The following SCAPER variants were observed in gnomAD, a reference collection of about 807,000 sequenced individuals.
The protein encoded by SCAPER is S-phase cyclin A associated protein in the ER, also known as S phase cyclin A-associated protein in the endoplasmic reticulum.
SCAPER carries 98 observed loss-of-function variants against 182.2 expected under a neutral mutation model. The observed-to-expected ratio is 0.54, with a 90% CI of 0.46 to 0.64. SCAPER has a LOEUF of 0.64. Among genes scored for constraint, SCAPER ranks in the 30% least tolerant of loss-of-function variants. SCAPER has a pLI of 0.00. For missense variants in SCAPER, 1,432 were observed against 1,690.0 expected (o/e 0.85, Z 2.68); for synonymous variants, 605 against 564.6 (o/e 1.07, Z -1.01).
At chr15:76,879,364 C>T (rs924883878) in intron 2 of SCAPER, among the ~76,000 whole-genome samples, 1 of 152,176 alleles carries the variant, frequency 6.6e-6, no homozygotes, top group Non-Finnish European at 1.5e-5. Flanking sequence ...GGGTGCAGCA[C>T]ATGACCTTGC....
At chr15:76,708,232 C>T (rs2059367639) in intron 17 of SCAPER, among the ~76,000 whole-genome samples, 1 of 152,052 alleles carries the variant, frequency 6.6e-6, no homozygotes, top group Non-Finnish European at 1.5e-5. Context: ...TTATACTGTA[C>T]TTTTGGTATT....
intron 26 of SCAPER, among the ~76,000 whole-genome samples, chr15:76,420,828 T>C (rs2045982206): frequency 6.6e-6 from 1 of 152,152 alleles, no homozygotes; most frequent in African/African-American, 2.4e-5. Context: ...TGTCCAAGTG[T>C]TCTCATTGTT....
intron 8 of SCAPER, among the ~76,000 whole-genome samples, chr15:76,790,246 T>G (rs929154672): frequency 1.4e-5 from 2 of 141,106 alleles, no homozygotes; most frequent in Non-Finnish European, 3.1e-5. Flanking sequence ...AAAAAAAAAA[T>G]GTACATCAAT....
At chr15:76,762,941 G>A (rs774390092) in intron 14 of SCAPER, among the ~76,000 whole-genome samples, 12 of 152,162 alleles carry the variant, frequency 7.9e-5, no homozygotes, top group Non-Finnish European at 1.6e-4. Flanking sequence ...ACAAGTGTGA[G>A]TCACCACACA....
chr15:76,849,756 C>T (rs1410915623), intron 4 of SCAPER, among the ~76,000 whole-genome samples: 2 of 152,176 alleles, frequency 1.3e-5, no homozygotes, highest in South Asian at 2.1e-4. Context: ...TGTGTTAGTC[C>T]GTTCTCACGC....
intron 25 of SCAPER, among the ~76,000 whole-genome samples, chr15:76,441,848 G>A (rs535204174): frequency 3.3e-5 from 5 of 152,104 alleles, no homozygotes; most frequent in Non-Finnish European, 5.9e-5. Context: ...TAAGCTCCAC[G>A]AGAGCGAGAC....
intron 27 of SCAPER, among the ~76,000 whole-genome samples, chr15:76,391,620 T>C (rs1203534457): frequency 1.3e-5 from 2 of 152,194 alleles, no homozygotes; most frequent in Non-Finnish European, 2.9e-5. Context: ...TTCTTATGTA[T>C]AGAATAGGCC....
intron 20 of SCAPER, among the ~76,000 whole-genome samples, chr15:76,685,622 AG>A (rs1470732295): frequency 6.6e-6 from 1 of 152,166 alleles, no homozygotes; most frequent in Non-Finnish European, 1.5e-5. Flanking sequence ...GAAGAATATC[AG>A]GAAGATGTGA....
At chr15:76,832,156 A>G (rs1236152087) in intron 5 of SCAPER, among the ~76,000 whole-genome samples, 1 of 152,228 alleles carries the variant, frequency 6.6e-6, no homozygotes, top group African/African-American at 2.4e-5. Context: ...CTGAAATGAA[A>G]GACCTACAAC....
intron 27 of SCAPER, among the ~76,000 whole-genome samples, chr15:76,387,258 A>G (rs1192476009): frequency 6.6e-6 from 1 of 152,228 alleles, no homozygotes; most frequent in African/African-American, 2.4e-5. Context: ...GAGGAAAACC[A>G]GGAATTCAGT....
At chr15:76,550,129 C>G (rs930669161) in intron 23 of SCAPER, among the ~76,000 whole-genome samples, 4 of 152,096 alleles carry the variant, frequency 2.6e-5, no homozygotes, top group African/African-American at 9.7e-5. Context: ...CAAAACAAAA[C>G]AAAACCCAAA....
At chr15:76,827,994 T>C (rs891706881) in intron 5 of SCAPER, among the ~76,000 whole-genome samples, 9 of 152,144 alleles carry the variant, frequency 5.9e-5, no homozygotes, top group Admixed American at 5.9e-4. Flanking sequence ...AAAGGTTTAA[T>C]GGGTTAATGG....
At chr15:76,494,863 G>A (rs1343767443) in intron 24 of SCAPER, among the ~76,000 whole-genome samples, 1 of 152,072 alleles carries the variant, frequency 6.6e-6, no homozygotes, top group African/African-American at 2.4e-5. Context: ...CTGGCAGACT[G>A]ATAATATTTC....
At chr15:76,878,417 G>C (rs192398444) in intron 2 of SCAPER, among the ~76,000 whole-genome samples, 2 of 137,916 alleles carry the variant, frequency 1.5e-5, no homozygotes, top group Non-Finnish European at 3.2e-5. Context: ...GTATTTTCAT[G>C]ATTTTCAGGT....
chr15:76,888,662 G>A (rs2073996807), intron 1 of SCAPER, among the ~76,000 whole-genome samples: 1 of 152,314 alleles, frequency 6.6e-6, no homozygotes, highest in South Asian at 2.1e-4. Context: ...AAGCCTTCAA[G>A]AAATATGCAC....
chr15:76,652,808 T>C (rs2055287800), intron 21 of SCAPER, among the ~76,000 whole-genome samples: 1 of 151,808 alleles, frequency 6.6e-6, no homozygotes. Flanking sequence ...TCTGCTTGGA[T>C]CTGGAACAAG....
chr15:76,875,962 C>T (rs1197046140), intron 2 of SCAPER, among the ~76,000 whole-genome samples: 4 of 152,206 alleles, frequency 2.6e-5, no homozygotes, highest in Admixed American at 6.5e-5. Flanking sequence ...CTGCAGGTCC[C>T]GAGCCCTGCC....
chr15:76,784,598 A>G (rs1368975452), intron 8 of SCAPER, among the ~76,000 whole-genome samples: 1 of 152,188 alleles, frequency 6.6e-6, no homozygotes, highest in Admixed American at 6.5e-5. Context: ...CGCAAAAAGA[A>G]CAAAGCTGAA....
chr15:76,490,567 G>C (rs1360727500), intron 24 of SCAPER, among the ~76,000 whole-genome samples: 1 of 152,088 alleles, frequency 6.6e-6, no homozygotes, highest in Non-Finnish European at 1.5e-5. Context: ...GATATGGTTT[G>C]CAAATATTTT....
Sources: gnomAD v4.1 joint callset for allele counts (sites outside exome capture counted in the v4.1 genomes callset) on GRCh38, gnomAD v4.1.1 for gene constraint, MANE v1.5 for transcripts, NCBI Gene and HGNC (gene_info 2026-07-23, HGNC 2026-07-21) for gene names.